The following SALL2 variants were observed in gnomAD, a reference collection of about 807,000 sequenced individuals.
The protein encoded by SALL2 is spalt like transcription factor 2.
In SALL2, 32 loss-of-function variants were observed where a neutral mutation model predicts 58.5. That is an observed-to-expected ratio of 0.55 (90% confidence interval 0.41 to 0.74). SALL2 has a LOEUF of 0.74. Ranked by LOEUF, SALL2 falls within the 30% of genes least tolerant of loss-of-function variation. SALL2 has a pLI of 0.00. For missense variants in SALL2, 1,201 were observed against 1,268.9 expected, an observed-to-expected ratio of 0.95 and a Z score of 0.81; for synonymous variants, 516 against 513.6, an observed-to-expected ratio of 1.00 and a Z score of -0.06.
In SALL2 at chr14:21,522,472, T is replaced by C. The variant is rs928005756; in HGVS notation, c.*232A>G. Reference sequence around the variant, plus strand: ...TTCCCCTTGAGAAAGCTGCAGAGAATCTATGTTCCTCAGGTACAAAGAATG... The same window carrying C: ...TTCCCCTTGAGAAAGCTGCAGAGAACCTATGTTCCTCAGGTACAAAGAATG... On this transcript the variant is annotated 3_prime_UTR_variant, in exon 2 of 2. Coordinates refer to ENST00000537235, the MANE Select transcript of SALL2 (RefSeq NM_001364564.1). The C allele has an allele frequency of 1.9e-4, 271 of 1,398,026 alleles. 1 individual carries two copies. The highest frequency in any genetic ancestry group is 4.4e-5 in the Non-Finnish European group (48 of 1,080,248). 86.6% of individuals were successfully genotyped at this position (1,398,026 alleles called of 1,614,324 possible). A position where few individuals can be genotyped will look rare whatever the true frequency, so the allele number is the denominator to read the frequency against.
rs769875385 is a variant in SALL2, at chr14:21,524,779, G to T, written c.943C>A (p.Pro315Thr). ...GTGGTGCTTGGGAATGCCAGATGAG[G>T]CGAGGCAATCAGCTGATCTGTGCTG... ...PGSTDQLIAS[P>T]HLAFPSTTGL... The change falls in exon 2 of 2, where the codon CCT becomes ACT. Residue 315 changes from proline (P) to threonine (T), a missense_variant. This residue lies in a region of SALL2 where 467 missense variants were observed against 468.9 expected (regional missense o/e 1.00). Transcript: ENST00000537235. 1.2e-6 allele frequency: 2 copies of T among 1,606,908 alleles called. No individual in the cohort carries two copies. The highest frequency in any genetic ancestry group is 3.4e-5 in the Admixed American group (2 of 59,478).
intron 1 of SALL2, among the ~76,000 whole-genome samples, chr14:21,533,350 C>T (rs1447433664): frequency 6.6e-6 from 1 of 152,136 alleles, no homozygotes; most frequent in East Asian, 1.9e-4. Flanking sequence ...GTAAACAGAG[C>T]CCCCAAAACT....
Position 21,522,088 on chromosome 14 carries a change from T to C in SALL2, c.*616A>G. 6.3e-7 allele frequency: 1 copy of C among 1,597,796 alleles called. No individual in the cohort carries two copies. Among genetic ancestry groups the C allele is most frequent in the Non-Finnish European group, 8.5e-7 (1 of 1,179,604 alleles). ...AATAGGAGGGGGGCTGTCTTCTCCT[T>C]GGCTTCCCTGGATCCCATTGTTGGA... On this transcript the variant is annotated 3_prime_UTR_variant, in exon 2 of 2. Coordinates refer to ENST00000537235, the MANE Select transcript of SALL2 (RefSeq NM_001364564.1).
At chr14:21,526,001 C>CGGGGGGGGGGGGGGGGGCGG in intron 1 of SALL2, 60 bp downstream of exon 1, 1 of 1,389,790 alleles carries the variant, frequency 7.2e-7, no homozygotes, top group Non-Finnish European at 9.9e-7. Context: ...AAAGTCTTCG[C>CGGGGGGGGGGGGGGGGGCGG]CGCCCCTGCG....
At chr14:21,530,380 C>G (rs922289934), upstream of SALL2, among the ~76,000 whole-genome samples, 1 of 147,402 alleles carries the variant, frequency 6.8e-6, no homozygotes, top group African/African-American at 2.5e-5. Flanking sequence ...CTCCACCTCC[C>G]AGGTTCAAGC....
At position 21,521,417 on chromosome 14, in the gene SALL2, G is replaced by C. The variant is rs929920358; in HGVS notation, c.*1287C>G. 6.6e-6 allele frequency: 1 copy of C among 152,418 alleles called. No individual in the cohort carries two copies. Among genetic ancestry groups the C allele is most frequent in the Non-Finnish European group, 1.5e-5 (1 of 68,234 alleles). The allele number at this position is 152,418 out of a possible 1,614,324, so 9.4% of individuals were successfully genotyped here. ...GGCAAAATGGGTAGGGGTCTTGAAA[G>C]AGGAAGATAAGGAAAATACAAGGGG... is the stretch of plus-strand genomic sequence containing the variant. On this transcript the variant is annotated 3_prime_UTR_variant, in exon 2 of 2. Coordinates refer to ENST00000537235, the MANE Select transcript of SALL2 (RefSeq NM_001364564.1).
At position 21,524,891 on chromosome 14, in the gene SALL2, G is replaced by A. The variant is rs776629749; in HGVS notation, c.831C>T (p.His277=). The change falls in exon 2 of 2, where the codon CAC becomes CAT. Residue 277 remains histidine, a synonymous_variant. Transcript: ENST00000537235. ...AGAAAGGATGCTGTGACCCCAGTGGGTGGTAAAGGTGGAAGAAGGCCTGCT... is the reference window on the plus strand; with the variant it reads ...AGAAAGGATGCTGTGACCCCAGTGGATGGTAAAGGTGGAAGAAGGCCTGCT... ...TPKQAFFHLY[H]PLGSQHPFSA... 3 of 1,614,234 alleles carry A rather than the reference G, an allele frequency of 1.9e-6. No homozygotes were observed. The highest frequency in any genetic ancestry group is 1.1e-5 in the South Asian group (1 of 91,090).
At chr14:21,526,584 C>A, upstream of SALL2, 1 of 846,268 alleles carries the variant, frequency 1.2e-6, no homozygotes, top group Non-Finnish European at 1.5e-6. Flanking sequence ...TACCCTCCTC[C>A]CCCCGCCCTC....
Position 21,525,609 on chromosome 14 carries a change from C to T in SALL2, c.113G>A (p.Cys38Tyr). 2 of 1,604,688 alleles carry T rather than the reference C, an allele frequency of 1.2e-6. No individual in the cohort carries two copies. Among genetic ancestry groups the T allele is most frequent in the East Asian group, 2.2e-5 (1 of 44,834 alleles). ...TTCAGTTGGGTCAGTGAATTGTGCG[C>T]AGCACTTGGCACAGACTTGGGGGTG... is the stretch of plus-strand genomic sequence containing the variant. ...EDHPQVCAKC[C>Y]AQFTDPTEFL... Residue 38 changes from cysteine to tyrosine, a missense_variant, in exon 2 of 2, where the codon TGC becomes TAC. Around this residue, in one of 3 missense-constraint regions of SALL2, gnomAD observed 467 missense variants for 468.9 expected, o/e 1.00. Transcript: ENST00000537235. This position sits in a 1 kb window ranked among gnomAD's most constrained non-coding sequence, Gnocchi z 4.4.
upstream of SALL2, among the ~76,000 whole-genome samples, chr14:21,527,620 T>C (rs1892356257): frequency 6.6e-6 from 1 of 152,190 alleles, no homozygotes; most frequent in Admixed American, 6.5e-5. Flanking sequence ...AGTGGTAATA[T>C]TGTAGCTGCA....
chr14:21,527,855 T>TAA (rs879410623), upstream of SALL2, among the ~76,000 whole-genome samples: 29 of 139,316 alleles, frequency 2.1e-4, no homozygotes, highest in African/African-American at 6.1e-4. Context: ...CCCATTACTT[T>TAA]AAAAAAAAAA....
rs753518874 is a variant in SALL2, at chr14:21,523,006, T to C, written c.2716A>G (p.Ser906Gly). The C allele has an allele frequency of 6.2e-7, 1 of 1,614,168 alleles. No individual in the cohort carries two copies. Among genetic ancestry groups the C allele is most frequent in the South Asian group, 1.1e-5 (1 of 91,090 alleles). The change falls in exon 2 of 2, where the codon AGC becomes GGC. Residue 906 changes from serine (S) to glycine (G), a missense_variant. Coordinates refer to ENST00000537235, the MANE Select transcript of SALL2 (RefSeq NM_001364564.1). The surrounding 1 kb of genome is among the most constrained non-coding windows in gnomAD (Gnocchi z 4.4). ...CACACTTCGCAGGCCTTTCTGCTGC[T>C]GCTCTCTCCTGGCTCCTTTCTCATT... is the stretch of plus-strand genomic sequence containing the variant. ...EAMRKEPGESSSRKACEVCGQ... is the reference protein window; with the variant it reads ...EAMRKEPGESGSRKACEVCGQ...
chr14:21,535,019 C>G (rs1057131189), intron 1 of SALL2, among the ~76,000 whole-genome samples: 1 of 152,158 alleles, frequency 6.6e-6, no homozygotes, highest in Admixed American at 6.5e-5. Context: ...CACCAATACA[C>G]TCTCTTAGAG....
chr14:21,528,730 A>C (rs551467861), upstream of SALL2, among the ~76,000 whole-genome samples: 1 of 152,286 alleles, frequency 6.6e-6, no homozygotes, highest in African/African-American at 2.4e-5. Context: ...AGCATTCAGA[A>C]TTTTGACTCC....
intron 1 of SALL2, among the ~76,000 whole-genome samples, chr14:21,535,743 G>A (rs1365890767): frequency 6.6e-6 from 1 of 152,194 alleles, no homozygotes; most frequent in Non-Finnish European, 1.5e-5. Context: ...ATACTGTTGG[G>A]TGTATCAACT....
Position 21,522,265 on chromosome 14 carries a change from T to C in SALL2, c.*439A>G, listed in dbSNP as rs1377119859. 6 of 1,569,044 alleles carry C rather than the reference T, an allele frequency of 3.8e-6. No homozygotes were observed. Among genetic ancestry groups the C allele is most frequent in the South Asian group, 1.1e-5 (1 of 87,284 alleles). ...TGGTTCTAGAAAGATAGGGGACCCA[T>C]ACCCACCAGCTGAGCAGAAAGGTCA... is the stretch of plus-strand genomic sequence containing the variant. On this transcript the variant is annotated 3_prime_UTR_variant, in exon 2 of 2. Coordinates refer to ENST00000537235, the MANE Select transcript of SALL2 (RefSeq NM_001364564.1).
Position 21,525,989 on chromosome 14 carries a change from C to T in SALL2, c.67+72G>A. The T allele has an allele frequency of 7.4e-7, 1 of 1,344,658 alleles. No individual in the cohort carries two copies. The highest frequency in any genetic ancestry group is 1.0e-6 in the Non-Finnish European group (1 of 973,230). The allele number at this position is 1,344,658 out of a possible 1,614,324, so 83.3% of individuals were successfully genotyped here. A position where few individuals can be genotyped will look rare whatever the true frequency, so the allele number is the denominator to read the frequency against. On this transcript the variant is annotated intron_variant, in intron 1 of 1. Coordinates refer to ENST00000537235, the MANE Select transcript of SALL2 (RefSeq NM_001364564.1). The surrounding 1 kb of genome is among the most constrained non-coding windows in gnomAD (Gnocchi z 4.4). ...GAATCATGCATTTTCTCCCACCCAC[C>T]GAAAGTCTTCGCCGCCCCTGCGCAT... is the stretch of plus-strand genomic sequence containing the variant.
In SALL2 at chr14:21,522,095, C is replaced by T; in HGVS notation, c.*609G>A. 1 of 1,597,772 alleles carries T rather than the reference C, an allele frequency of 6.3e-7. No homozygotes were observed. The highest frequency in any genetic ancestry group is 8.5e-7 in the Non-Finnish European group (1 of 1,179,636). ...GGGGGGCTGTCTTCTCCTTGGCTTC[C>T]CTGGATCCCATTGTTGGAGGCACCT... On this transcript the variant is annotated 3_prime_UTR_variant, in exon 2 of 2. Coordinates refer to ENST00000537235, the MANE Select transcript of SALL2 (RefSeq NM_001364564.1).
intron 1 of SALL2, among the ~76,000 whole-genome samples, chr14:21,535,189 C>CAA: frequency 6.6e-6 from 1 of 151,718 alleles, no homozygotes; most frequent in Non-Finnish European, 1.5e-5. Flanking sequence ...ACTAAAAATA[C>CAA]AAAAAATTAG....
Sources: allele counts gnomAD v4.1 joint callset (sites outside exome capture counted in the v4.1 genomes callset), GRCh38; gene constraint gnomAD v4.1.1; regional missense constraint gnomAD v4.1.1; non-coding constraint Gnocchi (gnomAD v3.1); transcripts MANE v1.5; gene names NCBI Gene and HGNC (gene_info 2026-07-23, HGNC 2026-07-21).